The following CTNND2 variants were observed in gnomAD, a reference collection of about 807,000 sequenced individuals.
The protein encoded by CTNND2 is catenin delta-2.
Under a neutral mutation model 144.4 loss-of-function variants are expected in CTNND2, and 22 were observed. That is an observed-to-expected ratio of 0.15 (90% CI 0.11 to 0.22). CTNND2 has a LOEUF of 0.22. Ranked by LOEUF, CTNND2 falls within the 10% of genes least tolerant of loss-of-function variation. The pLI, the probability that CTNND2 is intolerant of heterozygous loss-of-function variation, is 1.00. For synonymous variants in CTNND2, 751 were observed against 695.6 expected (o/e 1.08, Z -1.25); for missense variants, 1,353 against 1,618.8 (o/e 0.84, Z 2.82).
intron 8 of CTNND2, among the ~76,000 whole-genome samples, chr5:11,350,167 C>T (rs1323152194): frequency 1.3e-5 from 2 of 152,062 alleles, no homozygotes; most frequent in Admixed American, 1.3e-4. Context: ...ACTGTTTCTA[C>T]TAAAGATACA....
chr5:11,536,175 C>T (rs539196906), intron 3 of CTNND2, among the ~76,000 whole-genome samples: 30 of 152,156 alleles, frequency 2.0e-4, no homozygotes, highest in Non-Finnish European at 3.2e-4. Flanking sequence ...ACAATCCTCC[C>T]ACTTCAGTCT....
chr5:11,598,152 T>A (rs958635513), intron 2 of CTNND2, among the ~76,000 whole-genome samples: 1 of 143,246 alleles, frequency 7.0e-6, no homozygotes, highest in Non-Finnish European at 1.5e-5. Flanking sequence ...AGAGGTTAAA[T>A]AATTTGTCCA....
intron 18 of CTNND2, among the ~76,000 whole-genome samples, chr5:11,006,452 G>C (rs988872577): frequency 7.2e-5 from 11 of 152,206 alleles, no homozygotes; most frequent in Non-Finnish European, 1.5e-4. Flanking sequence ...GAGGAGTCTG[G>C]GTCCCGAGTG....
At chr5:11,620,915 C>T (rs1385307429) in intron 2 of CTNND2, among the ~76,000 whole-genome samples, 5 of 152,150 alleles carry the variant, frequency 3.3e-5, no homozygotes, top group African/African-American at 9.7e-5. Context: ...GCATATGAAC[C>T]TCAACATGGC....
intron 1 of CTNND2, among the ~76,000 whole-genome samples, chr5:11,800,427 G>T (rs1791615338): frequency 6.6e-6 from 1 of 152,150 alleles, no homozygotes; most frequent in Admixed American, 6.5e-5. Flanking sequence ...TTGTGGTCAT[G>T]AAATTACATA....
intron 2 of CTNND2, among the ~76,000 whole-genome samples, chr5:11,660,090 G>A (rs562773432): frequency 6.6e-6 from 1 of 152,222 alleles, no homozygotes; most frequent in South Asian, 2.1e-4. Flanking sequence ...AGAAATTTGA[G>A]CTGGTGGGAT....
chr5:11,411,538 T>C lies in CTNND2; in HGVS notation c.437A>G (p.Glu146Gly). Residue 146 changes from glutamate (E) to glycine (G), a missense_variant and splice_region_variant, in exon 5 of 22, where the codon GAA (glutamate) becomes GGA (glycine). This residue lies in a region of CTNND2 where 708 missense variants were observed against 706.4 expected (regional missense o/e 1.00). Coordinates refer to ENST00000304623, the MANE Select transcript of CTNND2 (RefSeq NM_001332.4). ...AGCATAACTGCCACGTGACTTACTT[T>C]CACCTGTAGAATAATCCTGTGGGTC... is the stretch of plus-strand genomic sequence containing the variant. ...ILDPQDYSTG[E>G]RPSLLSQSAL... 1.9e-6 allele frequency: 3 copies of C among 1,542,518 alleles called. No homozygotes were observed. Among genetic ancestry groups the C allele is most frequent in the Non-Finnish European group, 2.7e-6 (3 of 1,119,454 alleles).
chr5:11,788,950 T>C (rs1790991648), intron 1 of CTNND2, among the ~76,000 whole-genome samples: 1 of 152,010 alleles, frequency 6.6e-6, no homozygotes, highest in South Asian at 2.1e-4. Flanking sequence ...GTCCTTGCGA[T>C]AGTTTGCTGA....
At chr5:11,710,628 A>G (rs1581756523) in intron 2 of CTNND2, among the ~76,000 whole-genome samples, 2 of 152,140 alleles carry the variant, frequency 1.3e-5, no homozygotes, top group East Asian at 3.9e-4. Flanking sequence ...TCGTTGGCCT[A>G]TTAGCAGAAA....
At chr5:11,140,132 C>T (rs1351074360) in intron 12 of CTNND2, among the ~76,000 whole-genome samples, 1 of 152,188 alleles carries the variant, frequency 6.6e-6, no homozygotes, top group African/African-American at 2.4e-5. Flanking sequence ...AAGGTCTTCA[C>T]AGGTTTTTGG....
Position 11,346,436 on chromosome 5 carries a change from C to A in CTNND2, c.1564G>T (p.Ala522Ser). 1.3e-6 allele frequency: 2 copies of A among 1,556,966 alleles called. No homozygotes were observed. The highest frequency in any genetic ancestry group is 1.2e-5 in the South Asian group (1 of 84,200). ...VESPYSKSGP[A>S]LPPEGTLARS... ...GCCAAGGTGCCTTCAGGCGGGAGAGCAGGGCCGGATTTGCTGTATGGAGAC... is the reference window on the plus strand; with the variant it reads ...GCCAAGGTGCCTTCAGGCGGGAGAGAAGGGCCGGATTTGCTGTATGGAGAC... Residue 522 changes from alanine (A) to serine (S), a missense_variant, in exon 9 of 22, where the codon GCT becomes TCT. Around this residue, in one of 4 missense-constraint regions of CTNND2, gnomAD observed 708 missense variants for 706.4 expected, o/e 1.00. Transcript: ENST00000304623.
At chr5:11,425,530 TG>T (rs917632060) in intron 3 of CTNND2, among the ~76,000 whole-genome samples, 1 of 152,192 alleles carries the variant, frequency 6.6e-6, no homozygotes, top group African/African-American at 2.4e-5. Flanking sequence ...CAAGAAAGAA[TG>T]AGGATTTGAA....
At chr5:11,796,789 T>C (rs1791428888) in intron 1 of CTNND2, among the ~76,000 whole-genome samples, 1 of 152,140 alleles carries the variant, frequency 6.6e-6, no homozygotes, top group Admixed American at 6.5e-5. Context: ...ATCCATTTCC[T>C]ACATTTTTAT....
intron 18 of CTNND2, among the ~76,000 whole-genome samples, chr5:11,003,400 A>T (rs1357033794): frequency 6.6e-6 from 1 of 152,224 alleles, no homozygotes; most frequent in Non-Finnish European, 1.5e-5. Context: ...ATGCTCACGT[A>T]TCAGAAGCCT....
chr5:11,829,563 C>G (rs1323897976), intron 1 of CTNND2, among the ~76,000 whole-genome samples: 1 of 152,206 alleles, frequency 6.6e-6, no homozygotes, highest in South Asian at 2.1e-4. Context: ...TTGAGCCTGC[C>G]AGTGCACACA....
intron 3 of CTNND2, among the ~76,000 whole-genome samples, chr5:11,435,891 T>C (rs753788731): frequency 2.0e-5 from 3 of 152,180 alleles, no homozygotes; most frequent in African/African-American, 7.2e-5. Flanking sequence ...TCACTGGGTG[T>C]CAAATGCTCA....
intron 3 of CTNND2, among the ~76,000 whole-genome samples, chr5:11,438,716 A>C (rs1437853079): frequency 6.6e-6 from 1 of 152,246 alleles, no homozygotes; most frequent in African/African-American, 2.4e-5. Context: ...TGTCCTAATT[A>C]CTTAGGCCAG....
chr5:11,023,499 G>T (rs935509266), intron 16 of CTNND2, among the ~76,000 whole-genome samples: 1 of 152,162 alleles, frequency 6.6e-6, no homozygotes, highest in Non-Finnish European at 1.5e-5. Context: ...GCAAAAATGT[G>T]TGGGGAACAT....
chr5:11,364,921 C>G lies in CTNND2; in HGVS notation c.1178-31G>C, dbSNP rs752699642. 9.0e-6 allele frequency: 14 copies of G among 1,562,106 alleles called. No homozygotes were observed. The African/African-American group carries it at 1.7e-4, about 18-fold the overall frequency. On this transcript the variant is annotated intron_variant, in intron 7 of 21. Transcript: ENST00000304623. ...ATAAATCAACAGAGGGACATCAAAG[C>G]TCAGGCGACCTCCAAACAGAACTTG...
Sources: gnomAD v4.1 joint callset for allele counts (sites outside exome capture counted in the v4.1 genomes callset) on GRCh38, gnomAD v4.1.1 for gene constraint, gnomAD v4.1.1 regional missense constraint, MANE v1.5 for transcripts, NCBI Gene and HGNC (gene_info 2026-07-23, HGNC 2026-07-21) for gene names.